WNT7B: variants seen among roughly 807,000 people sequenced by gnomAD.
The protein encoded by WNT7B is protein Wnt-7b.
WNT7B carries 19 observed loss-of-function variants against 38.2 expected under a neutral mutation model. The observed-to-expected ratio is 0.50, with a 90% CI of 0.35 to 0.73. WNT7B has a LOEUF of 0.73. Ranked by LOEUF, WNT7B falls within the 30% of genes least tolerant of loss-of-function variation. WNT7B has a pLI of 0.01. For synonymous variants in WNT7B, 243 were observed against 209.3 expected (o/e 1.16, Z -1.39); for missense variants, 423 against 507.9 (o/e 0.83, Z 1.61).
chr22:45,927,542 A>AGAG (rs760013970), intron 3 of WNT7B: 1 of 1,481,192 alleles, frequency 6.8e-7, no homozygotes, highest in Non-Finnish European at 9.2e-7. Flanking sequence ...GAAACAACGG[A>AGAG]GAGGAGGTCA....
chr22:45,954,325 G>GTGC (rs1468978672), intron 1 of WNT7B, among the ~76,000 whole-genome samples: 3 of 152,190 alleles, frequency 2.0e-5, no homozygotes, highest in Non-Finnish European at 2.9e-5. Flanking sequence ...GAAAGTTCTG[G>GTGC]AACTGGGGGT....
At chr22:45,946,386 G>T (rs1052314117) in intron 2 of WNT7B, among the ~76,000 whole-genome samples, 3 of 152,224 alleles carry the variant, frequency 2.0e-5, no homozygotes, top group Non-Finnish European at 4.4e-5. Flanking sequence ...GATAGTGCCT[G>T]GTTGAAACTC....
At chr22:45,970,157 G>A (rs1258306619) in intron 1 of WNT7B, among the ~76,000 whole-genome samples, 1 of 152,194 alleles carries the variant, frequency 6.6e-6, no homozygotes, top group Non-Finnish European at 1.5e-5. Flanking sequence ...GTTCCTCTCC[G>A]CTTGGGGAAG....
At chr22:45,959,307 G>A (rs957746637) in intron 1 of WNT7B, among the ~76,000 whole-genome samples, 4 of 152,276 alleles carry the variant, frequency 2.6e-5, no homozygotes, top group East Asian at 1.9e-4. Context: ...CAGGTCAGTC[G>A]AAACCAGCTT....
chr22:45,945,892 C>A (rs536853697), intron 2 of WNT7B, among the ~76,000 whole-genome samples: 1 of 152,250 alleles, frequency 6.6e-6, no homozygotes, highest in Non-Finnish European at 1.5e-5. Flanking sequence ...TGTCCCGGGC[C>A]GCTCACGTGA....
intron 2 of WNT7B, among the ~76,000 whole-genome samples, chr22:45,931,656 A>G (rs957735565): frequency 6.6e-6 from 1 of 152,122 alleles, no homozygotes; most frequent in Non-Finnish European, 1.5e-5. Flanking sequence ...TCCAGCATGC[A>G]GTGCTGCCGA....
At position 45,922,450 on chromosome 22, in the gene WNT7B, G is replaced by C. The variant is rs778822439; in HGVS notation, c.*406C>G. On this transcript the variant is annotated 3_prime_UTR_variant, in exon 4 of 4. Coordinates refer to ENST00000339464, the MANE Select transcript of WNT7B (RefSeq NM_058238.3). The stretch of plus-strand genomic sequence containing the variant: ...AACTGGTCTGGAGAGGCCAGCCGGC[G>C]TAGCTTTTCTGTGTCCATGCCGCCA... 5.1e-6 allele frequency: 1 copy of C among 194,980 alleles called. No homozygotes were observed. Among genetic ancestry groups the C allele is most frequent in the Non-Finnish European group, 1.0e-5 (1 of 95,318 alleles). 12.1% of individuals were successfully genotyped at this position (194,980 alleles called of 1,614,324 possible).
Position 45,976,764 on chromosome 22 carries a change from A to AG in WNT7B, c.-11dup, listed in dbSNP as rs780648771. On this transcript the variant is annotated 5_prime_UTR_variant, in exon 1 of 4. Transcript: ENST00000339464. The surrounding 1 kb of genome is among the most constrained non-coding windows in gnomAD (Gnocchi z 8.5). ...GAAAGTTTCTGTGCATGATCCAGGG[A>AG]GGGGGGCTGCGCCATAGACAGCGGC... The AG allele has an allele frequency of 1.0e-5, 16 of 1,603,850 alleles. No homozygotes were observed. Among genetic ancestry groups the AG allele is most frequent in the Non-Finnish European group, 1.2e-5 (14 of 1,174,232 alleles).
chr22:45,970,336 G>A (rs1458215579), intron 1 of WNT7B, among the ~76,000 whole-genome samples: 1 of 152,226 alleles, frequency 6.6e-6, no homozygotes, highest in Non-Finnish European at 1.5e-5. Context: ...GCTGGGCAGT[G>A]CACACTCCAG....
intron 1 of WNT7B, among the ~76,000 whole-genome samples, chr22:45,969,372 G>C (rs1446679886): frequency 6.6e-6 from 1 of 152,262 alleles, no homozygotes; most frequent in Non-Finnish European, 1.5e-5. Context: ...GAGCGGAAGA[G>C]ACCTGCCTGG....
chr22:45,962,026 G>T (rs1932207407), intron 1 of WNT7B, among the ~76,000 whole-genome samples: 1 of 152,206 alleles, frequency 6.6e-6, no homozygotes, highest in African/African-American at 2.4e-5. Flanking sequence ...GAAGGGAGCA[G>T]AGCGTCCGCT....
intron 1 of WNT7B, among the ~76,000 whole-genome samples, chr22:45,968,077 T>A (rs952616882): frequency 6.6e-6 from 1 of 152,156 alleles, no homozygotes; most frequent in African/African-American, 2.4e-5. Context: ...AGCAAGATGT[T>A]CTGAGCCTCC....
chr22:45,927,298 C>T (rs1931115408), intron 3 of WNT7B: 2 of 985,266 alleles, frequency 2.0e-6, no homozygotes, highest in East Asian at 1.1e-4. Flanking sequence ...AAAGGTCACC[C>T]CCGCCCCCCA....
chr22:45,930,687 C>A (rs561158438), intron 3 of WNT7B, among the ~76,000 whole-genome samples: 94 of 152,324 alleles, frequency 6.2e-4, no homozygotes, highest in African/African-American at 2.2e-3. Flanking sequence ...CCTTGCTGAG[C>A]AAAAAGGCTG....
chr22:45,954,458 G>A (rs942126607), intron 1 of WNT7B, among the ~76,000 whole-genome samples: 1 of 152,030 alleles, frequency 6.6e-6, no homozygotes, highest in South Asian at 2.1e-4. Flanking sequence ...ATCTATACAC[G>A]GGACTTCTGC....
intron 3 of WNT7B, chr22:45,926,868 G>T: frequency 1.0e-6 from 1 of 985,420 alleles, no homozygotes. Context: ...CCAGGATCCG[G>T]CGCTCCCATT....
At chr22:45,955,469 C>T (rs146904693) in intron 1 of WNT7B, among the ~76,000 whole-genome samples, 285 of 152,330 alleles carry the variant, frequency 1.9e-3, no homozygotes, top group African/African-American at 6.4e-3. Flanking sequence ...CCCTGCGGGG[C>T]GGACCCAGCT....
intron 1 of WNT7B, among the ~76,000 whole-genome samples, chr22:45,973,990 C>A (rs565500493): frequency 2.0e-5 from 3 of 152,206 alleles, no homozygotes; most frequent in African/African-American, 7.2e-5. Context: ...AACTTTATGA[C>A]CCTGAAAATC....
intron 2 of WNT7B, among the ~76,000 whole-genome samples, chr22:45,934,702 C>A (rs868430825): frequency 2.0e-5 from 3 of 152,360 alleles, no homozygotes; most frequent in Middle Eastern, 6.8e-3. Flanking sequence ...CCGCAAGCGC[C>A]TGCTCTCACC....
Sources: allele counts gnomAD v4.1 joint callset (sites outside exome capture counted in the v4.1 genomes callset), GRCh38; gene constraint gnomAD v4.1.1; non-coding constraint Gnocchi (gnomAD v3.1); transcripts MANE v1.5; gene names NCBI Gene and HGNC (gene_info 2026-07-23, HGNC 2026-07-21).